ABCC4: variants seen among roughly 807,000 people sequenced by gnomAD.
ABCC4 encodes ATP binding cassette subfamily C member 4 (PEL blood group).
A neutral mutation model predicts 168.5 loss-of-function variants in ABCC4; 102 were observed. The observed-to-expected ratio is 0.61, with a 90% CI of 0.52 to 0.71. The LOEUF (loss-of-function observed/expected upper bound fraction) is 0.71, where lower values mean the gene tolerates loss of function less well. Ranked by LOEUF, ABCC4 falls within the 30% of genes least tolerant of loss-of-function variation. The pLI, the probability that ABCC4 is intolerant of heterozygous loss-of-function variation, is 0.00. For missense variants in ABCC4, 1,402 were observed against 1,605.8 expected, an observed-to-expected ratio of 0.87 and a Z score of 2.17; for synonymous variants, 617 against 590.7, an observed-to-expected ratio of 1.04 and a Z score of -0.65.
At chr13:95,166,993 C>G (rs934332440) in intron 14 of ABCC4, among the ~76,000 whole-genome samples, 14 of 151,948 alleles carry the variant, frequency 9.2e-5, no homozygotes, top group African/African-American at 3.1e-4. Context: ...TCGAGACTAG[C>G]CTGGCCAACA....
At chr13:95,192,260 CCTT>C (rs1246078633) in intron 9 of ABCC4, among the ~76,000 whole-genome samples, 1 of 152,090 alleles carries the variant, frequency 6.6e-6, no homozygotes, top group Non-Finnish European at 1.5e-5. Context: ...CCCAGCACAC[CCTT>C]CTTTCCTCTG....
At chr13:95,235,959 A>C (rs2039755000) in intron 3 of ABCC4, among the ~76,000 whole-genome samples, 1 of 152,176 alleles carries the variant, frequency 6.6e-6, no homozygotes, top group South Asian at 2.1e-4. Context: ...TCTTTTCCCC[A>C]AGGCAAAATT....
chr13:95,111,354 C>T lies in ABCC4; in HGVS notation c.2535+4568G>A, dbSNP rs569583186. ...GCACTGCCAGCCTTGGCTAAATTAT[C>T]TGATTAGCCCATGGCAACCTTGAGG... is the stretch of plus-strand genomic sequence containing the variant. On this transcript the variant is annotated intron_variant, in intron 20 of 30. Transcript: ENST00000645237. 2.0e-4 allele frequency among the ~76,000 whole-genome samples: 30 copies of T among 152,340 alleles called. No individual in the cohort carries two copies. The South Asian group carries it at 6.0e-3, about 31-fold the overall frequency.
At chr13:95,127,505 T>C (rs1275992496) in intron 19 of ABCC4, among the ~76,000 whole-genome samples, 1 of 152,148 alleles carries the variant, frequency 6.6e-6, no homozygotes, top group African/African-American at 2.4e-5. Context: ...CTCGAACTCC[T>C]GGCCTCAAGT....
intron 1 of ABCC4, among the ~76,000 whole-genome samples, chr13:95,254,971 T>C (rs2040357812): frequency 6.6e-6 from 1 of 152,158 alleles, no homozygotes; most frequent in Non-Finnish European, 1.5e-5. Flanking sequence ...ATTACCTATT[T>C]TAACATATTT....
At chr13:95,039,026 T>C (rs2032246743) in intron 29 of ABCC4, among the ~76,000 whole-genome samples, 1 of 151,864 alleles carries the variant, frequency 6.6e-6, no homozygotes, top group African/African-American at 2.4e-5. Flanking sequence ...AAAGAGAAAA[T>C]AAGGAACAAT....
chr13:95,024,144 T>C (rs534086454), intron 30 of ABCC4, among the ~76,000 whole-genome samples: 1 of 149,566 alleles, frequency 6.7e-6, no homozygotes, highest in South Asian at 2.1e-4. Context: ...GAGGCAGAGA[T>C]TGCAGTGAGC....
chr13:95,030,261 T>C (rs2031813228), intron 30 of ABCC4, among the ~76,000 whole-genome samples: 1 of 152,044 alleles, frequency 6.6e-6, no homozygotes, highest in Admixed American at 6.6e-5. Flanking sequence ...CTTCAAGTGA[T>C]ATACCCGCCT....
chr13:95,163,150 A>T lies in ABCC4; in HGVS notation c.2280T>A (p.Asp760Glu). The T allele has an allele frequency of 1.2e-6, 2 of 1,613,144 alleles. No individual in the cohort carries two copies. The highest frequency in any genetic ancestry group is 8.5e-7 in the Non-Finnish European group (1 of 1,179,204). ...NGGGNVTEKL[D>E]LNWYLGIYSG... is the part of the protein sequence containing the mutation. The stretch of plus-strand genomic sequence containing the variant: ...AATAAATTCCTAAGTACCAGTTAAG[A>T]TCTAGCTTCTCGGTTACATTTCCTC... The change falls in exon 18 of 31, where the codon GAT (aspartate) becomes GAA (glutamate). Residue 760 changes from aspartate (D) to glutamate (E), a missense_variant. Around this residue, in one of 3 missense-constraint regions of ABCC4, gnomAD observed 1,007 missense variants for 1,127.3 expected, o/e 0.89. Coordinates refer to ENST00000645237, the MANE Select transcript of ABCC4 (RefSeq NM_005845.5).
Position 95,043,330 on chromosome 13 carries a change from G to A in ABCC4, c.3735+352C>T, listed in dbSNP as rs77416091. ...AAAAACCTAAATCTTTCATTAAGGG[G>A]ATCAAGCATGCTGAAACAACTGTGA... On this transcript the variant is annotated intron_variant, in intron 29 of 30. Transcript: ENST00000645237. 2.3e-4 allele frequency: 45 copies of A among 197,570 alleles called. No individual in the cohort carries two copies. The East Asian group carries it at 5.2e-3, about 23-fold the overall frequency. 12.2% of individuals were successfully genotyped at this position (197,570 alleles called of 1,614,324 possible). A position where few individuals can be genotyped will look rare whatever the true frequency, so the allele number is the denominator to read the frequency against.
chr13:95,279,270 A>G (rs2041052368), intron 1 of ABCC4, among the ~76,000 whole-genome samples: 1 of 152,232 alleles, frequency 6.6e-6, no homozygotes, highest in Non-Finnish European at 1.5e-5. Flanking sequence ...TATCTGCTAA[A>G]GCGCTTCGCA....
At chr13:95,233,817 G>A (rs541956191) in intron 4 of ABCC4, among the ~76,000 whole-genome samples, 1 of 152,052 alleles carries the variant, frequency 6.6e-6, no homozygotes, top group South Asian at 2.1e-4. Context: ...CGAATACCAA[G>A]GGACAACTGT....
intron 19 of ABCC4, among the ~76,000 whole-genome samples, chr13:95,137,117 C>T (rs1296232641): frequency 6.6e-6 from 1 of 152,188 alleles, no homozygotes; most frequent in African/African-American, 2.4e-5. Context: ...CCGGATCCAC[C>T]CCAGCTCCCA....
chr13:95,182,047 C>T (rs775175497), intron 11 of ABCC4, among the ~76,000 whole-genome samples: 3 of 152,170 alleles, frequency 2.0e-5, no homozygotes, highest in African/African-American at 7.2e-5. Flanking sequence ...ACCTCAGCTA[C>T]CCAAAGTACT....
intron 26 of ABCC4, among the ~76,000 whole-genome samples, chr13:95,056,984 G>T (rs1408727965): frequency 6.6e-6 from 1 of 152,188 alleles, no homozygotes; most frequent in Non-Finnish European, 1.5e-5. Flanking sequence ...AGGATTGGAG[G>T]AGTAAATAAT....
chr13:95,194,055 G>C (rs974022704), intron 9 of ABCC4, among the ~76,000 whole-genome samples: 61 of 152,302 alleles, frequency 4.0e-4, no homozygotes, highest in African/African-American at 9.6e-4. Flanking sequence ...ATGAGCACTG[G>C]GCAGGGAGCC....
chr13:95,153,756 A>T (rs529454223), intron 19 of ABCC4, among the ~76,000 whole-genome samples: 1 of 152,352 alleles, frequency 6.6e-6, no homozygotes, highest in South Asian at 2.1e-4. Flanking sequence ...ATTAAAAATT[A>T]TGCCAAAATG....
intron 22 of ABCC4, 80 bp downstream of exon 22, chr13:95,075,352 A>T (rs1003587779): frequency 5.1e-6 from 8 of 1,583,842 alleles, no homozygotes; most frequent in South Asian, 2.3e-5. Flanking sequence ...GCCTGCCAAC[A>T]AGCTCATCTG....
At position 95,209,507 on chromosome 13, in the gene ABCC4, G is replaced by A. The variant is rs202182469; in HGVS notation, c.712C>T (p.Leu238Phe). The A allele has an allele frequency of 1.3e-5, 21 of 1,614,106 alleles. No individual in the cohort carries two copies. The Admixed American group carries it at 3.3e-4, about 26-fold the overall frequency. ...ATGATTAGAACTGCCATCCCAGCAA[G>A]GCACGATATTCCTATCTCCATCCAG... is the stretch of plus-strand genomic sequence containing the variant. ...LLWMEIGISC[L>F]AGMAVLIILL... Residue 238 changes from leucine (L) to phenylalanine (F), a missense_variant, in exon 6 of 31, where the codon CTT becomes TTT. By Grantham distance (22) the Leu-to-Phe change is conservative (BLOSUM62 0). Around this residue, in one of 3 missense-constraint regions of ABCC4, gnomAD observed 317 missense variants for 345.5 expected, o/e 0.92. Coordinates refer to ENST00000645237, the MANE Select transcript of ABCC4 (RefSeq NM_005845.5).
Sources: allele counts gnomAD v4.1 joint callset (sites outside exome capture counted in the v4.1 genomes callset), GRCh38; gene constraint gnomAD v4.1.1; regional missense constraint gnomAD v4.1.1; transcripts MANE v1.5; gene names NCBI Gene and HGNC (gene_info 2026-07-23, HGNC 2026-07-21).